The following CEP83 variants were observed in gnomAD, a reference collection of about 807,000 sequenced individuals.
CEP83 encodes centrosomal protein of 83 kDa.
A neutral mutation model predicts 101.9 loss-of-function variants in CEP83; 70 were observed. The observed-to-expected ratio is 0.69, with a 90% confidence interval of 0.57 to 0.84. The LOEUF (loss-of-function observed/expected upper bound fraction) is 0.84, where lower values mean the gene tolerates loss of function less well. Among genes scored for constraint, CEP83 ranks in the 40% least tolerant of loss-of-function variants. The probability of loss-of-function intolerance (pLI) is 0.00; values close to 1 mark genes in which losing one functional copy is unlikely to be tolerated. For synonymous variants in CEP83, 264 were observed against 267.9 expected (o/e 0.99, Z 0.14); for missense variants, 715 against 787.2 (o/e 0.91, Z 1.10).
chr12:94,361,670 A>G (rs1427094219), intron 11 of CEP83: 1 of 152,150 alleles, frequency 6.6e-6, no homozygotes, highest in African/African-American at 2.4e-5. Flanking sequence ...GAGACAACCT[A>G]TACAATGGGA....
intron 6 of CEP83, among the ~76,000 whole-genome samples, chr12:94,381,295 T>C (rs2061836446): frequency 6.6e-6 from 1 of 152,202 alleles, no homozygotes; most frequent in South Asian, 2.1e-4. Context: ...GCTCTCAATC[T>C]TTCCTCTAAA....
chr12:94,411,484 C>A (rs1234564686), intron 4 of CEP83, among the ~76,000 whole-genome samples: 1 of 151,998 alleles, frequency 6.6e-6, no homozygotes, highest in Admixed American at 6.6e-5. Flanking sequence ...CAATATAATA[C>A]CAATTTACAT....
At chr12:94,403,108 C>G (rs539981824) in intron 5 of CEP83, 62 bp downstream of exon 5, 1 of 870,618 alleles carries the variant, frequency 1.1e-6, no homozygotes, top group Admixed American at 1.9e-5. Context: ...GGGAATGATG[C>G]TTTTCATCAA....
chr12:94,275,568 G>A, the CEP83 span, among the ~76,000 whole-genome samples: 3 of 141,308 alleles, frequency 2.1e-5, no homozygotes, highest in Non-Finnish European at 4.6e-5. Flanking sequence ...AGAAACTGCT[G>A]TTTGGCCGGG....
Position 94,415,245 on chromosome 12 carries a change from T to C in CEP83, c.-101-2654A>G, listed in dbSNP as rs184049056. On this transcript the variant is annotated intron_variant, in intron 2 of 16. Coordinates refer to ENST00000397809, the MANE Select transcript of CEP83 (RefSeq NM_016122.3). Reference sequence around the variant, plus strand: ...AAAAAAACTTATGTGGTTGAAATGATAGAAAAAAAGGGAAGTAAATTTTTG... The same window carrying C: ...AAAAAAACTTATGTGGTTGAAATGACAGAAAAAAAGGGAAGTAAATTTTTG... Among the ~76,000 whole-genome samples, 340 of 152,040 alleles carry C rather than the reference T, an allele frequency of 2.2e-3. 3 individuals carry two copies. Among genetic ancestry groups the C allele is most frequent in the African/African-American group, 7.0e-3 (291 of 41,532 alleles).
At chr12:94,331,193 A>C (rs116998328) in intron 14 of CEP83, among the ~76,000 whole-genome samples, 6,862 of 143,092 alleles carry the variant, frequency 0.048, 213 homozygotes, top group Non-Finnish European at 0.074. Context: ...CGAAAGGCTG[A>C]GGTATGAGAA....
At chr12:94,392,068 T>C (rs186388372) in intron 6 of CEP83, among the ~76,000 whole-genome samples, 1 of 152,170 alleles carries the variant, frequency 6.6e-6, no homozygotes, top group Non-Finnish European at 1.5e-5. Flanking sequence ...ACTGTCAATA[T>C]TAGACAGATC....
rs1463903103 is a variant in CEP83, at chr12:94,411,863, G to A, written c.174-16C>T. The A allele has an allele frequency of 1.9e-6, 3 of 1,598,644 alleles. No homozygotes were observed. The highest frequency in any genetic ancestry group is 2.6e-6 in the Non-Finnish European group (3 of 1,171,160). ...ATTCTGCAACCTGGTTTTTTTTAAA[G>A]AGAATTCAATTTTGAGTAAATCCTT... On this transcript the variant is annotated splice_polypyrimidine_tract_variant and intron_variant, in intron 3 of 16. Transcript: ENST00000397809.
intron 4 of CEP83, among the ~76,000 whole-genome samples, chr12:94,405,994 C>T (rs1258359825): frequency 6.6e-6 from 1 of 152,164 alleles, no homozygotes; most frequent in Non-Finnish European, 1.5e-5. Flanking sequence ...AGGATGAATA[C>T]GCAGAGCTCA....
At chr12:94,303,957 T>C, downstream of CEP83, 1 of 1,606,852 alleles carries the variant, frequency 6.2e-7, no homozygotes, top group Non-Finnish European at 8.5e-7. Context: ...TCAGAATCTC[T>C]CAACAAGTCT....
intron 1 of CEP83, among the ~76,000 whole-genome samples, chr12:94,454,732 T>C (rs531866219): frequency 1.3e-5 from 2 of 152,240 alleles, no homozygotes; most frequent in Admixed American, 1.3e-4. Context: ...ACCACGAAGG[T>C]CCGCAGCTTC....
At chr12:94,289,604 C>T in the CEP83 span, among the ~76,000 whole-genome samples, 2 of 152,150 alleles carry the variant, frequency 1.3e-5, no homozygotes, top group African/African-American at 2.4e-5. Flanking sequence ...ATTTGGAGCT[C>T]CTCAGATGGA....
chr12:94,321,081 T>C (rs558012660), intron 14 of CEP83, among the ~76,000 whole-genome samples: 1 of 152,332 alleles, frequency 6.6e-6, no homozygotes, highest in East Asian at 1.9e-4. Flanking sequence ...TTTCTATTCT[T>C]CTTTTTTATT....
chr12:94,455,899 A>C (rs1353405476), intron 1 of CEP83, among the ~76,000 whole-genome samples: 4 of 152,008 alleles, frequency 2.6e-5, no homozygotes, highest in Non-Finnish European at 4.4e-5. Flanking sequence ...TACAAAAAAA[A>C]AGCCAGGTGT....
chr12:94,285,322 G>A, the CEP83 span, among the ~76,000 whole-genome samples: 158 of 152,336 alleles, frequency 1.0e-3, no homozygotes, highest in South Asian at 2.1e-4. Context: ...TTCCCGAGCA[G>A]AGCTTCTTAG....
chr12:94,302,426 A>T (rs1219997793), downstream of CEP83, among the ~76,000 whole-genome samples: 2 of 152,140 alleles, frequency 1.3e-5, no homozygotes, highest in Admixed American at 6.6e-5. Flanking sequence ...ACTGTAGGAG[A>T]CTCAGATCAG....
At chr12:94,326,862 A>C (rs901113232) in intron 14 of CEP83, among the ~76,000 whole-genome samples, 3 of 152,256 alleles carry the variant, frequency 2.0e-5, no homozygotes, top group Non-Finnish European at 4.4e-5. Flanking sequence ...CTTTTGAAGA[A>C]GGATGCTCCT....
intron 12 of CEP83, among the ~76,000 whole-genome samples, chr12:94,334,137 G>A (rs1234046999): frequency 6.6e-6 from 1 of 152,066 alleles, no homozygotes; most frequent in Middle Eastern, 3.2e-3. Context: ...AATCAAAATT[G>A]TTCAGTGTAA....
chr12:94,273,629 T>C, the CEP83 span, among the ~76,000 whole-genome samples: 1 of 152,120 alleles, frequency 6.6e-6, no homozygotes, highest in Admixed American at 6.6e-5. Context: ...TTAGAATGTG[T>C]TGTATATGCC....
Sources: gnomAD v4.1 joint callset for allele counts (sites outside exome capture counted in the v4.1 genomes callset) on GRCh38, gnomAD v4.1.1 for gene constraint, MANE v1.5 for transcripts, NCBI Gene and HGNC (gene_info 2026-07-23, HGNC 2026-07-21) for gene names.